The following LHCGR variants were observed in gnomAD, a reference collection of about 807,000 sequenced individuals.
LHCGR encodes luteinizing hormone/choriogonadotropin receptor, also known as lutropin-choriogonadotropic hormone receptor.
LHCGR carries 55 observed loss-of-function variants against 60.7 expected under a neutral mutation model. The ratio of observed to expected loss-of-function variants is 0.91; its 90% confidence interval spans 0.73 to 1.13. LHCGR has a LOEUF of 1.13. Among genes scored for constraint, LHCGR ranks in the 50% most tolerant of loss-of-function variants. The pLI is 0.00. For missense variants in LHCGR, 862 were observed against 836.0 expected, an observed-to-expected ratio of 1.03 and a Z score of -0.38; for synonymous variants, 337 against 316.5, an observed-to-expected ratio of 1.06 and a Z score of -0.69.
intron 1 of LHCGR, among the ~76,000 whole-genome samples, chr2:48,754,932 G>A (rs993599458): frequency 2.6e-5 from 4 of 151,120 alleles, no homozygotes; most frequent in Admixed American, 6.7e-5. Flanking sequence ...AGGGCCTTTG[G>A]TCCATTAGAC....
intron 8 of LHCGR, among the ~76,000 whole-genome samples, chr2:48,707,979 C>T (rs1351710531): frequency 6.6e-6 from 1 of 152,144 alleles, no homozygotes; most frequent in Non-Finnish European, 1.5e-5. Flanking sequence ...CCCTTGTGCT[C>T]CCTGGGTGAG....
At chr2:48,691,219 T>C (rs1489067953) in intron 10 of LHCGR, among the ~76,000 whole-genome samples, 1 of 152,166 alleles carries the variant, frequency 6.6e-6, no homozygotes, top group Non-Finnish European at 1.5e-5. Flanking sequence ...TAACTTCCCA[T>C]GTTTTGTATT....
chr2:48,723,132 A>G (rs1285508585), intron 6 of LHCGR, among the ~76,000 whole-genome samples: 1 of 152,216 alleles, frequency 6.6e-6, no homozygotes. Flanking sequence ...TTAAGCCAGG[A>G]AAGCCACTCC....
intron 10 of LHCGR, among the ~76,000 whole-genome samples, chr2:48,693,741 T>C (rs1666975508): frequency 6.6e-6 from 1 of 152,226 alleles, no homozygotes; most frequent in Admixed American, 6.5e-5. Context: ...GTAGCTTCCA[T>C]CCAGTGTATG....
chr2:48,746,427 A>G (rs1034491913), intron 1 of LHCGR, among the ~76,000 whole-genome samples: 14 of 152,234 alleles, frequency 9.2e-5, no homozygotes, highest in Admixed American at 4.6e-4. Context: ...GAAGTGATAA[A>G]GAACAACCTT....
intron 6 of LHCGR, chr2:48,720,339 G>A (rs888335966): frequency 6.6e-6 from 1 of 152,044 alleles, no homozygotes; most frequent in Non-Finnish European, 1.5e-5. Flanking sequence ...CTGCCTTTTC[G>A]TTCCTACTTC....
At chr2:48,749,109 G>C (rs1426955087) in intron 1 of LHCGR, among the ~76,000 whole-genome samples, 1 of 152,232 alleles carries the variant, frequency 6.6e-6, no homozygotes, top group Non-Finnish European at 1.5e-5. Flanking sequence ...CATTCTGAAA[G>C]TTGAGTTTTG....
At chr2:48,722,025 C>T (rs1668519937) in intron 6 of LHCGR, among the ~76,000 whole-genome samples, 1 of 152,202 alleles carries the variant, frequency 6.6e-6, no homozygotes, top group South Asian at 2.1e-4. Flanking sequence ...TGGCACACGC[C>T]TGTAGTCCCA....
rs1679977513 is a variant in LHCGR at position 48,687,873 on chromosome 2, C to T, written c.1924G>A (p.Gly642Ser). 1.2e-6 allele frequency: 2 copies of T among 1,613,944 alleles called. No homozygotes were observed. Among genetic ancestry groups the T allele is most frequent in the South Asian group, 1.1e-5 (1 of 91,086 alleles). The change falls in exon 11 of 11, where the codon GGC (glycine) becomes AGC (serine). Residue 642 changes from glycine (G) to serine (S), a missense_variant. Physicochemically the swap from Gly to Ser is moderately conservative, Grantham distance 56 (BLOSUM62 0). Transcript: ENST00000294954. ...RDFFLLLSKF[G>S]CCKRRAELYR... ...AGTTCAGCCCGACGTTTACAGCAGC[C>T]AAATTTGCTCAGCAAAAGAAAGAAA... is the stretch of plus-strand genomic sequence containing the variant.
intron 6 of LHCGR, among the ~76,000 whole-genome samples, chr2:48,715,230 C>T (rs532377891): frequency 3.3e-5 from 5 of 152,228 alleles, no homozygotes; most frequent in East Asian, 3.9e-4. Flanking sequence ...TTACCTCCTC[C>T]GTGAGAACAT....
At chr2:48,717,185 C>G (rs1314763034) in intron 6 of LHCGR, among the ~76,000 whole-genome samples, 1 of 152,188 alleles carries the variant, frequency 6.6e-6, no homozygotes, top group Non-Finnish European at 1.5e-5. Flanking sequence ...TTTGTTTTCA[C>G]CAAAGCTGCT....
At chr2:48,717,939 G>A (rs898996460) in intron 6 of LHCGR, among the ~76,000 whole-genome samples, 26 of 145,460 alleles carry the variant, frequency 1.8e-4, no homozygotes, top group African/African-American at 5.1e-4. Flanking sequence ...TTTTCTTACC[G>A]GTCACACACA....
At chr2:48,724,884 A>G (rs1037039406) in intron 4 of LHCGR, among the ~76,000 whole-genome samples, 4 of 152,144 alleles carry the variant, frequency 2.6e-5, no homozygotes, top group Non-Finnish European at 4.4e-5. Context: ...AGTACCAGAG[A>G]GATGTCCCTT....
intron 4 of LHCGR, among the ~76,000 whole-genome samples, chr2:48,724,870 G>A (rs556543236): frequency 1.3e-5 from 2 of 152,292 alleles, no homozygotes; most frequent in South Asian, 2.1e-4. Context: ...GACTGATGAC[G>A]TGAAGTACCA....
rs1680009062 is a variant in LHCGR at position 48,688,286 on chromosome 2, C to A, written c.1511G>T (p.Gly504Val). ...ACTGACCTTCATGTAATTGCTGACA[C>A]CGACAAGGGGCAACATAGCAATTAG... Reference protein sequence around the residue: ...SSLIAMLPLVGVSNYMKVSIC... With the variant: ...SSLIAMLPLVVVSNYMKVSIC... The change falls in exon 11 of 11, where the codon GGT (glycine) becomes GTT (valine). Residue 504 changes from glycine (G) to valine (V), a missense_variant. Transcript: ENST00000294954. This position sits in a 1 kb window ranked among gnomAD's most constrained non-coding sequence, Gnocchi z 5.2. 2 of 1,614,072 alleles carry A rather than the reference C, an allele frequency of 1.2e-6. No homozygotes were observed. Among genetic ancestry groups the A allele is most frequent in the African/African-American group, 1.3e-5 (1 of 75,026 alleles).
At chr2:48,734,252 A>G (rs1335134592) in intron 1 of LHCGR, among the ~76,000 whole-genome samples, 3 of 152,214 alleles carry the variant, frequency 2.0e-5, no homozygotes, top group Non-Finnish European at 4.4e-5. Flanking sequence ...GAAACAAGAA[A>G]TTACGGAGAT....
chr2:48,748,791 A>C (rs1245319454), intron 1 of LHCGR, among the ~76,000 whole-genome samples: 1 of 152,222 alleles, frequency 6.6e-6, no homozygotes, highest in Non-Finnish European at 1.5e-5. Context: ...ACTCAGGGAC[A>C]GGAATCATCA....
chr2:48,688,897 T>TA lies in LHCGR; in HGVS notation c.948-49dup. The TA allele has an allele frequency of 6.4e-7, 1 of 1,554,688 alleles. No homozygotes were observed. The highest frequency in any genetic ancestry group is 8.9e-7 in the Non-Finnish European group (1 of 1,128,442). ...GAGGTAAGGGATTTTCTCTGAGTAT[T>TA]AAAAAATTCAAGAATTATGTTTCTT... On this transcript the variant is annotated intron_variant, in intron 10 of 10. Coordinates refer to ENST00000294954, the MANE Select transcript of LHCGR (RefSeq NM_000233.4). This position sits in a 1 kb window ranked among gnomAD's most constrained non-coding sequence, Gnocchi z 5.2.
At chr2:48,717,946 C>T (rs1219846747) in intron 6 of LHCGR, among the ~76,000 whole-genome samples, 1 of 147,634 alleles carries the variant, frequency 6.8e-6, no homozygotes, top group African/African-American at 2.5e-5. Context: ...ACCGGTCACA[C>T]ACAATAGAAT....
Sources: gnomAD v4.1 joint callset for allele counts (sites outside exome capture counted in the v4.1 genomes callset) on GRCh38, gnomAD v4.1.1 for gene constraint, Gnocchi (gnomAD v3.1) non-coding constraint, MANE v1.5 for transcripts, NCBI Gene and HGNC (gene_info 2026-07-23, HGNC 2026-07-21) for gene names.